The following NEK1 variants were observed in gnomAD, a reference collection of about 807,000 sequenced individuals.
The protein encoded by NEK1 is serine/threonine-protein kinase Nek1.
A neutral mutation model predicts 182.1 loss-of-function variants in NEK1; 137 were observed. That is an observed-to-expected ratio of 0.75 (90% confidence interval 0.65 to 0.87). NEK1 has a LOEUF of 0.87. Ranked by LOEUF, NEK1 falls within the 40% of genes least tolerant of loss-of-function variation. The probability of loss-of-function intolerance (pLI) is 0.00; values close to 1 mark genes in which losing one functional copy is unlikely to be tolerated. For synonymous variants in NEK1, 513 were observed against 492.2 expected (o/e 1.04, Z -0.56); for missense variants, 1,391 against 1,494.4 (o/e 0.93, Z 1.14).
intron 7 of NEK1, among the ~76,000 whole-genome samples, chr4:169,589,074 A>C (rs1324242500): frequency 6.6e-6 from 1 of 152,168 alleles, no homozygotes; most frequent in Non-Finnish European, 1.5e-5. Flanking sequence ...GTGTCCCATA[A>C]AGGTATATCA....
intron 29 of NEK1, among the ~76,000 whole-genome samples, chr4:169,430,918 A>G (rs1182944348): frequency 2.0e-5 from 3 of 152,062 alleles, no homozygotes; most frequent in Non-Finnish European, 4.4e-5. Context: ...TTTGTAAACT[A>G]AAATTGCTTA....
intron 12 of NEK1, among the ~76,000 whole-genome samples, chr4:169,565,189 A>G (rs370291194): frequency 2.0e-5 from 3 of 152,232 alleles, no homozygotes; most frequent in East Asian, 1.9e-4. Flanking sequence ...AAAGAACATT[A>G]GCTTTCAAAC....
chr4:169,399,073 A>T (rs1429292448), intron 35 of NEK1, among the ~76,000 whole-genome samples: 1 of 151,506 alleles, frequency 6.6e-6, no homozygotes, highest in East Asian at 2.0e-4. Context: ...ACATGGTGAG[A>T]CCCCATCTCT....
chr4:169,590,825 A>G lies in NEK1; in HGVS notation c.313-16T>C, dbSNP rs746353783. 2 of 1,514,572 alleles carry G rather than the reference A, an allele frequency of 1.3e-6. No individual in the cohort carries two copies. The highest frequency in any genetic ancestry group is 2.4e-5 in the South Asian group (2 of 84,656). The allele number at this position is 1,514,572 out of a possible 1,614,324, so 93.8% of individuals were successfully genotyped here. On this transcript the variant is annotated splice_polypyrimidine_tract_variant and intron_variant, in intron 5 of 35. Coordinates refer to ENST00000507142, the MANE Select transcript of NEK1 (RefSeq NM_001199397.3). ...AGTCCAAAATCTAGGAAGAAAAATC[A>G]GATCTGTCAAGCCTCTCTTTGACCA...
intron 27 of NEK1, among the ~76,000 whole-genome samples, chr4:169,461,125 A>G (rs577637215): frequency 6.6e-6 from 1 of 152,302 alleles, no homozygotes; most frequent in South Asian, 2.1e-4. Flanking sequence ...GAACTTATCC[A>G]TTGTTGCTGA....
At chr4:169,497,710 C>T (rs547624158) in intron 23 of NEK1, among the ~76,000 whole-genome samples, 4 of 152,242 alleles carry the variant, frequency 2.6e-5, no homozygotes, top group Admixed American at 6.5e-5. Flanking sequence ...CGTAGTTGAG[C>T]GGTTTTGAGT....
At chr4:169,549,200 T>G (rs111743511) in intron 18 of NEK1, among the ~76,000 whole-genome samples, 10,857 of 152,174 alleles carry the variant, frequency 0.071, 1,273 homozygotes, top group African/African-American at 0.25. Flanking sequence ...TGGCTTCCCT[T>G]GGCTAGGAGA....
chr4:169,449,168 G>A (rs1012763103), intron 27 of NEK1, among the ~76,000 whole-genome samples: 7 of 151,446 alleles, frequency 4.6e-5, no homozygotes, highest in Admixed American at 2.0e-4. Flanking sequence ...CAAAATGGGC[G>A]GAGCCCACCG....
chr4:169,549,880 C>T (rs1761153433), intron 18 of NEK1, among the ~76,000 whole-genome samples: 1 of 152,134 alleles, frequency 6.6e-6, no homozygotes, highest in Non-Finnish European at 1.5e-5. Context: ...CCACCATGCC[C>T]AGTTCATTTA....
At chr4:169,604,932 T>C (rs913626495) in intron 2 of NEK1, among the ~76,000 whole-genome samples, 2 of 152,168 alleles carry the variant, frequency 1.3e-5, no homozygotes, top group Non-Finnish European at 2.9e-5. Context: ...AAGCCCAAGT[T>C]GTGTTAACTG....
At chr4:169,531,110 CATTAAGAA>C (rs1757606325) in intron 19 of NEK1, among the ~76,000 whole-genome samples, 1 of 151,834 alleles carries the variant, frequency 6.6e-6, no homozygotes, top group Non-Finnish European at 1.5e-5. Context: ...CTATAGAAGG[CATTAAGAA>C]ATTGTAGCCA....
intron 19 of NEK1, among the ~76,000 whole-genome samples, chr4:169,509,111 G>GC (rs1349232727): frequency 6.6e-5 from 10 of 151,974 alleles, no homozygotes; most frequent in African/African-American, 2.2e-4. Context: ...ACTTAAGAGG[G>GC]GTTTTTTTTG....
chr4:169,444,389 A>G (rs888628400), intron 27 of NEK1, among the ~76,000 whole-genome samples: 1 of 152,176 alleles, frequency 6.6e-6, no homozygotes, highest in Admixed American at 6.5e-5. Flanking sequence ...CTCATTACAT[A>G]TATAGACTGA....
chr4:169,491,565 G>A (rs1397213259), intron 23 of NEK1, among the ~76,000 whole-genome samples: 1 of 152,100 alleles, frequency 6.6e-6, no homozygotes, highest in Non-Finnish European at 1.5e-5. Flanking sequence ...ATAGACAGAA[G>A]CTAAGGGAAT....
chr4:169,485,087 A>T (rs1580099563), intron 23 of NEK1, among the ~76,000 whole-genome samples: 1 of 152,218 alleles, frequency 6.6e-6, no homozygotes, highest in African/African-American at 2.4e-5. Flanking sequence ...TCAGAAATTA[A>T]AATTTGAGCA....
chr4:169,473,398 G>T (rs1746378178), intron 26 of NEK1, among the ~76,000 whole-genome samples: 1 of 151,890 alleles, frequency 6.6e-6, no homozygotes, highest in Non-Finnish European at 1.5e-5. Flanking sequence ...ATCTATTGGG[G>T]TACCAATACC....
intron 23 of NEK1, among the ~76,000 whole-genome samples, chr4:169,492,829 G>A (rs1323095131): frequency 1.3e-5 from 2 of 152,180 alleles, no homozygotes; most frequent in Admixed American, 1.3e-4. Context: ...CCTCAAGGAG[G>A]AGACAGAGCA....
intron 12 of NEK1, among the ~76,000 whole-genome samples, chr4:169,574,411 T>C (rs564029961): frequency 1.3e-5 from 2 of 151,950 alleles, no homozygotes; most frequent in East Asian, 2.0e-4. Context: ...CTGGCTAACA[T>C]GGTGAAACCC....
chr4:169,541,013 C>T (rs1345676042), intron 18 of NEK1, among the ~76,000 whole-genome samples: 1 of 151,696 alleles, frequency 6.6e-6, no homozygotes, highest in Admixed American at 6.6e-5. Flanking sequence ...AAATTCTTTA[C>T]TGATAAAGAA....
Sources: allele counts gnomAD v4.1 joint callset (sites outside exome capture counted in the v4.1 genomes callset), GRCh38; gene constraint gnomAD v4.1.1; transcripts MANE v1.5; gene names NCBI Gene and HGNC (gene_info 2026-07-23, HGNC 2026-07-21).